Variants in CDH4 observed in about 807,000 individuals in gnomAD.
CDH4 encodes cadherin 4.
In CDH4, 33 loss-of-function variants were observed where a neutral mutation model predicts 86.0. The observed-to-expected ratio is 0.38, with a 90% CI of 0.29 to 0.51. The LOEUF (loss-of-function observed/expected upper bound fraction) is 0.51. Among genes scored for constraint, CDH4 ranks in the 20% least tolerant of loss-of-function variants. The pLI, the probability that CDH4 is intolerant of heterozygous loss-of-function variation, is 0.86. For missense variants in CDH4, 1,114 were observed against 1,307.4 expected, an observed-to-expected ratio of 0.85 and a Z score of 2.28; for synonymous variants, 555 against 549.4, an observed-to-expected ratio of 1.01 and a Z score of -0.14.
At chr20:61,839,789 G>A (rs1305980204) in intron 4 of CDH4, among the ~76,000 whole-genome samples, 2 of 151,742 alleles carry the variant, frequency 1.3e-5, no homozygotes, top group African/African-American at 2.4e-5. Context: ...ACATGTATGT[G>A]TGCTGTGTGT....
chr20:61,493,590 G>A (rs918603244), intron 2 of CDH4, among the ~76,000 whole-genome samples: 21 of 152,206 alleles, frequency 1.4e-4, no homozygotes, highest in African/African-American at 4.1e-4. Context: ...GCAGCCTGTC[G>A]CTTTGTGCCT....
chr20:61,549,925 G>C (rs1197754430), intron 2 of CDH4, among the ~76,000 whole-genome samples: 1 of 152,196 alleles, frequency 6.6e-6, no homozygotes, highest in Non-Finnish European at 1.5e-5. Context: ...CCTCAGTGAA[G>C]GTGCCAGCTG....
chr20:61,747,076 C>T lies in CDH4; in HGVS notation c.396+3287C>T, dbSNP rs1286922594. Among the ~76,000 whole-genome samples, 5 of 152,148 alleles carry T rather than the reference C, an allele frequency of 3.3e-5. No homozygotes were observed. In the East Asian group the frequency reaches 7.7e-4, roughly 23 times the overall value. On this transcript the variant is annotated intron_variant, in intron 3 of 15. Transcript: ENST00000614565. The stretch of plus-strand genomic sequence containing the variant: ...CCTTTCATATTCAACGTCCAGCACT[C>T]GGCCTCATGACTGGGCACATGAGGA...
intron 2 of CDH4, among the ~76,000 whole-genome samples, chr20:61,546,155 T>TGCGTGTGTG (rs79582664): frequency 8.2e-6 from 1 of 121,642 alleles, no homozygotes; most frequent in Non-Finnish European, 1.7e-5. Flanking sequence ...TTCACATTCG[T>TGCGTGTGTG]GAGGGTGTGT....
At chr20:61,314,661 G>T (rs1732072884) in intron 2 of CDH4, among the ~76,000 whole-genome samples, 1 of 152,110 alleles carries the variant, frequency 6.6e-6, no homozygotes. Flanking sequence ...TGGATCGTAT[G>T]GTAGTTCTAC....
intron 7 of CDH4, among the ~76,000 whole-genome samples, chr20:61,893,141 T>A (rs1482710533): frequency 1.5e-5 from 1 of 67,656 alleles, no homozygotes; most frequent in Non-Finnish European, 2.9e-5. Context: ...GAGGGATAGA[T>A]GGACGAGTGG....
In CDH4 at chr20:61,302,225, G is replaced by A. The variant is rs190499210; in HGVS notation, c.169+47288G>A. 3.8e-3 allele frequency among the ~76,000 whole-genome samples: 579 copies of A among 152,334 alleles called. 4 individuals are homozygous for A. The highest frequency in any genetic ancestry group is 0.017 in the Middle Eastern group (5 of 294). ...CTCACCACAGGGCCGGTTTCCGTGT[G>A]AGGGCCAGGGAGCTGCTTTGGGCAT... On this transcript the variant is annotated intron_variant, in intron 2 of 15. Transcript: ENST00000614565.
rs992700066 is a variant in CDH4, at chr20:61,780,323, T to C, written c.576+7141T>C. On this transcript the variant is annotated intron_variant, in intron 4 of 15. Transcript: ENST00000614565. ...CCCCTCAGCCCGGCTACTCCCTACCTGCTCTGAGAACTCCCTACTTCTCAG... is the reference window on the plus strand; with the variant it reads ...CCCCTCAGCCCGGCTACTCCCTACCCGCTCTGAGAACTCCCTACTTCTCAG... Among the ~76,000 whole-genome samples the C allele has an allele frequency of 6.6e-5, 10 of 152,178 alleles. 1 individual carries two copies. The East Asian group carries it at 1.9e-3, about 29-fold the overall frequency.
intron 2 of CDH4, among the ~76,000 whole-genome samples, chr20:61,272,179 C>T (rs1007510912): frequency 2.6e-5 from 4 of 152,230 alleles, no homozygotes; most frequent in Non-Finnish European, 5.9e-5. Context: ...TTGTCAGAGA[C>T]ATGCCCCATT....
chr20:61,873,900 G>A lies in CDH4; in HGVS notation c.1050G>A (p.Glu350=). Residue 350 remains glutamate (E), a splice_region_variant and synonymous_variant, in exon 7 of 16, where the codon GAG becomes GAA. Coordinates refer to ENST00000614565, the MANE Select transcript of CDH4 (RefSeq NM_001794.5). ...CAGTGGCGGCTGGCCTGGACCGAGA[G>A]GTGAGGCGGGGTGGGGTCTGCGTGC... is the stretch of plus-strand genomic sequence containing the variant. The part of the protein sequence containing the change: ...IVTVAAGLDR[E]KVQQYTVIVQ... 6.2e-7 allele frequency: 1 copy of A among 1,612,840 alleles called. No individual in the cohort carries two copies. The highest frequency in any genetic ancestry group is 8.5e-7 in the Non-Finnish European group (1 of 1,179,736).
Position 61,676,722 on chromosome 20 carries a change from T to C in CDH4, c.170-66841T>C, listed in dbSNP as rs539435627. 6.6e-6 allele frequency among the ~76,000 whole-genome samples: 1 copy of C among 152,336 alleles called. No individual in the cohort carries two copies. Among genetic ancestry groups the C allele is most frequent in the East Asian group, 1.9e-4 (1 of 5,180 alleles). On this transcript the variant is annotated intron_variant, in intron 2 of 15. Transcript: ENST00000614565. This position sits in a 1 kb window ranked among gnomAD's most constrained non-coding sequence, Gnocchi z 4.5. ...GAAGTGACCAGATGATAAACCTTGA[T>C]GTAATACAAATGTAAATGATGCTGC...
intron 3 of CDH4, among the ~76,000 whole-genome samples, 163 bp downstream of exon 3, chr20:61,743,952 A>G (rs1485601048): frequency 6.6e-6 from 1 of 152,172 alleles, no homozygotes; most frequent in East Asian, 1.9e-4. Flanking sequence ...TGCCCTCTGC[A>G]CTGACCTGAG....
At chr20:61,385,471 G>A (rs2084945971) in intron 2 of CDH4, among the ~76,000 whole-genome samples, 1 of 151,946 alleles carries the variant, frequency 6.6e-6, no homozygotes, top group South Asian at 2.1e-4. Context: ...CGCCCCCTTG[G>A]ATTGTGGTCT....
rs922556660 is a variant in CDH4, at chr20:61,810,916, G to A, written c.577-33752G>A. ...TGGCCGCTCCAGGAAGCTTCGAGAC[G>A]GGGGCTGCAGGAGCCTGCAGAGCCT... On this transcript the variant is annotated intron_variant, in intron 4 of 15. Coordinates refer to ENST00000614565, the MANE Select transcript of CDH4 (RefSeq NM_001794.5). This position sits in a 1 kb window ranked among gnomAD's most constrained non-coding sequence, Gnocchi z 4.3. Among the ~76,000 whole-genome samples the A allele has an allele frequency of 2.0e-5, 3 of 152,170 alleles. No homozygotes were observed. Among genetic ancestry groups the A allele is most frequent in the Non-Finnish European group, 4.4e-5 (3 of 68,030 alleles).
intron 2 of CDH4, among the ~76,000 whole-genome samples, chr20:61,743,357 TC>T (rs1163103658): frequency 1.3e-5 from 2 of 151,956 alleles, no homozygotes; most frequent in Non-Finnish European, 2.9e-5. Context: ...TTGCTTTTCT[TC>T]CCCCCCTTTT....
chr20:61,839,351 GTGTATGT>G (rs1346679626), intron 4 of CDH4, among the ~76,000 whole-genome samples: 3 of 151,870 alleles, frequency 2.0e-5, no homozygotes, highest in Admixed American at 2.0e-4. Context: ...TTTTGTGTTT[GTGTATGT>G]TTGTGTATTG....
intron 2 of CDH4, among the ~76,000 whole-genome samples, chr20:61,545,235 T>G (rs1004991568): frequency 2.0e-5 from 3 of 152,320 alleles, no homozygotes; most frequent in African/African-American, 7.2e-5. Context: ...GACCGAGCAG[T>G]TTTCTGTGTT....
rs192838259 is a variant in CDH4, at chr20:61,920,244, G to A, written c.1375-3207G>A. The stretch of plus-strand genomic sequence containing the variant: ...GGTGTCACGGTGATTGCATGGAAGC[G>A]TGGTGTCACAGTGATTGCATGGAAG... On this transcript the variant is annotated intron_variant, in intron 9 of 15. Coordinates refer to ENST00000614565, the MANE Select transcript of CDH4 (RefSeq NM_001794.5). Among the ~76,000 whole-genome samples, 142 of 149,764 alleles carry A rather than the reference G, an allele frequency of 9.5e-4. 2 individuals are homozygous for A. Among genetic ancestry groups the A allele is most frequent in the Non-Finnish European group, 1.3e-3 (89 of 67,572 alleles).
chr20:61,404,965 G>A (rs192974661), intron 2 of CDH4, among the ~76,000 whole-genome samples: 1 of 152,168 alleles, frequency 6.6e-6, no homozygotes, highest in Non-Finnish European at 1.5e-5. Flanking sequence ...CAGGAGAACC[G>A]CTTGAACCTG....
Sources: gnomAD v4.1 joint callset for allele counts (sites outside exome capture counted in the v4.1 genomes callset) on GRCh38, gnomAD v4.1.1 for gene constraint, Gnocchi (gnomAD v3.1) non-coding constraint, MANE v1.5 for transcripts, NCBI Gene and HGNC (gene_info 2026-07-23, HGNC 2026-07-21) for gene names.